CBFA2T2: variants seen among roughly 807,000 people sequenced by gnomAD.
The protein encoded by CBFA2T2 is CBFA2/RUNX1 partner transcriptional co-repressor 2.
In CBFA2T2, 11 loss-of-function variants were observed where a neutral mutation model predicts 62.2. The observed-to-expected ratio is 0.18, with a 90% confidence interval of 0.11 to 0.29. CBFA2T2 has a LOEUF of 0.29. Among genes scored for constraint, CBFA2T2 ranks in the 10% least tolerant of loss-of-function variants. The probability of loss-of-function intolerance (pLI) is 1.00; values close to 1 mark genes in which losing one functional copy is unlikely to be tolerated. For missense variants in CBFA2T2, 592 were observed against 774.1 expected (o/e 0.76, Z 2.79); for synonymous variants, 295 against 287.5 (o/e 1.03, Z -0.27).
chr20:33,560,735 G>C (rs557222540), intron 1 of CBFA2T2, among the ~76,000 whole-genome samples: 6 of 152,034 alleles, frequency 3.9e-5, no homozygotes, highest in Non-Finnish European at 8.8e-5. Flanking sequence ...AACCACACCT[G>C]TTTGACTATA....
intron 1 of CBFA2T2, among the ~76,000 whole-genome samples, chr20:33,503,294 G>A (rs1252405201): frequency 8.5e-6 from 1 of 118,334 alleles, no homozygotes; most frequent in Non-Finnish European, 1.6e-5. Flanking sequence ...TCGCCCAGTC[G>A]CCCAGGCTGG....
At chr20:33,500,469 G>A (rs922944816) in intron 1 of CBFA2T2, among the ~76,000 whole-genome samples, 35 of 152,114 alleles carry the variant, frequency 2.3e-4, no homozygotes, top group Admixed American at 2.1e-3. Context: ...AGCACTTTGG[G>A]GAGGCTGAGG....
chr20:33,611,493 T>C (rs2015527129), intron 3 of CBFA2T2, among the ~76,000 whole-genome samples, 158 bp downstream of exon 3: 1 of 152,206 alleles, frequency 6.6e-6, no homozygotes. Context: ...TAAAACTGTT[T>C]AAATGTAGGT....
rs1601119600 is a variant in CBFA2T2 at position 33,640,338 on chromosome 20, T to C, written c.1298-3T>C. Reference sequence around the variant, plus strand: ...AGTTGATTTTACTGTCACTTTCTTCTAGAAGAAGCTGTGAATAAGGTGAAA... The same window carrying C: ...AGTTGATTTTACTGTCACTTTCTTCCAGAAGAAGCTGTGAATAAGGTGAAA... On this transcript the variant is annotated splice_region_variant and splice_polypyrimidine_tract_variant and intron_variant, in intron 9 of 10. Transcript: ENST00000342704. The C allele has an allele frequency of 6.2e-7, 1 of 1,610,382 alleles. No individual in the cohort carries two copies.
intron 1 of CBFA2T2, among the ~76,000 whole-genome samples, chr20:33,534,345 A>C (rs2012143503): frequency 6.6e-6 from 1 of 152,186 alleles, no homozygotes; most frequent in South Asian, 2.1e-4. Context: ...TGTTTGAGAC[A>C]GTCTCACTCT....
In CBFA2T2 at chr20:33,647,136, C is replaced by CT. The variant is rs1238044389; in HGVS notation, c.*2491dup. 6.6e-6 allele frequency: 1 copy of CT among 152,238 alleles called. No individual in the cohort carries two copies. Among genetic ancestry groups the CT allele is most frequent in the Non-Finnish European group, 1.5e-5 (1 of 68,104 alleles). The allele number at this position is 152,238 out of a possible 1,614,324, so 9.4% of individuals were successfully genotyped here. On this transcript the variant is annotated 3_prime_UTR_variant, in exon 11 of 11. Coordinates refer to ENST00000342704, the MANE Select transcript of CBFA2T2 (RefSeq NM_001032999.3). ...AAGCCACAGTCCTTGGTGGGGAACT[C>CT]TAAGGGGGACGGAGTCAGTACCCCG...
rs1183371343 is a variant in CBFA2T2 at position 33,600,182 on chromosome 20, G to GTTTTTTTTTT, written c.35-6754_35-6745dup. Among the ~76,000 whole-genome samples, 14 of 62,064 alleles carry GTTTTTTTTTT rather than the reference G, an allele frequency of 2.3e-4. 2 individuals carry two copies. Among genetic ancestry groups the GTTTTTTTTTT allele is most frequent in the African/African-American group, 3.9e-4 (6 of 15,376 alleles). 40.7% of individuals were successfully genotyped at this position (62,064 alleles called of 152,430 possible). On this transcript the variant is annotated intron_variant, in intron 1 of 10. Coordinates refer to ENST00000342704, the MANE Select transcript of CBFA2T2 (RefSeq NM_001032999.3). The stretch of plus-strand genomic sequence containing the variant: ...AAGTTAGAATTATCACTTTTGGAAA[G>GTTTTTTTTTT]TTTTTTTTTTTTTTTTTTTTTTTTT...
chr20:33,639,043 A>G (rs533308060), intron 9 of CBFA2T2: 25 of 152,302 alleles, frequency 1.6e-4, no homozygotes, highest in African/African-American at 6.0e-4. Flanking sequence ...CCTCCACACT[A>G]GCTTTGTGTG....
chr20:33,637,185 A>G (rs971191853), intron 9 of CBFA2T2, among the ~76,000 whole-genome samples: 6 of 152,152 alleles, frequency 3.9e-5, no homozygotes, highest in African/African-American at 1.2e-4. Flanking sequence ...CTCTTTTACA[A>G]GAATAAAGGA....
intron 1 of CBFA2T2, among the ~76,000 whole-genome samples, chr20:33,604,855 T>A (rs1471204991): frequency 1.3e-5 from 2 of 152,188 alleles, no homozygotes; most frequent in East Asian, 3.8e-4. Context: ...GGGCCCCAGA[T>A]GGAAGAGCTG....
intron 1 of CBFA2T2, among the ~76,000 whole-genome samples, chr20:33,526,129 C>G (rs933673318): frequency 1.3e-5 from 2 of 152,104 alleles, no homozygotes; most frequent in Non-Finnish European, 2.9e-5. Context: ...TTAATGAATC[C>G]TCCCGCCTTG....
At chr20:33,636,791 A>C in intron 9 of CBFA2T2, 83 bp downstream of exon 9, 1 of 1,022,496 alleles carries the variant, frequency 9.8e-7, no homozygotes, top group Non-Finnish European at 1.5e-6. Context: ...ATGGTTGGTA[A>C]CTGGGTCCTT....
chr20:33,565,099 T>C (rs1416466817), intron 1 of CBFA2T2, among the ~76,000 whole-genome samples: 1 of 152,062 alleles, frequency 6.6e-6, no homozygotes, highest in African/African-American at 2.4e-5. Context: ...TTTTGTATTT[T>C]TAGTAGAGAC....
chr20:33,549,086 C>G (rs1266773826), intron 1 of CBFA2T2, among the ~76,000 whole-genome samples: 2 of 152,132 alleles, frequency 1.3e-5, no homozygotes, highest in Admixed American at 6.6e-5. Context: ...GGTGCATATT[C>G]TTATAATCTG....
At chr20:33,564,305 G>A (rs926548998) in intron 1 of CBFA2T2, among the ~76,000 whole-genome samples, 13 of 146,462 alleles carry the variant, frequency 8.9e-5, no homozygotes, top group Non-Finnish European at 1.8e-4. Flanking sequence ...ACTCTGTCGC[G>A]CAGGTGGAGT....
At chr20:33,594,207 T>A (rs2014788576) in intron 1 of CBFA2T2, among the ~76,000 whole-genome samples, 1 of 152,092 alleles carries the variant, frequency 6.6e-6, no homozygotes, top group Non-Finnish European at 1.5e-5. Context: ...CTGTCAGAAT[T>A]TACTGCTATA....
rs965299606 is a variant in CBFA2T2, at chr20:33,648,199, G to T, written c.*3553G>T. 6.6e-6 allele frequency: 1 copy of T among 152,228 alleles called. No individual in the cohort carries two copies. The highest frequency in any genetic ancestry group is 1.5e-5 in the Non-Finnish European group (1 of 68,072). 9.4% of individuals were successfully genotyped at this position (152,228 alleles called of 1,614,324 possible). On this transcript the variant is annotated 3_prime_UTR_variant, in exon 11 of 11. Coordinates refer to ENST00000342704, the MANE Select transcript of CBFA2T2 (RefSeq NM_001032999.3). ...AGGAGCTGGCATGGTGGTACAGAAG[G>T]TATCAGTCAAGCGCAGGCTCTTCAG...
chr20:33,507,429 A>G (rs556931801), intron 1 of CBFA2T2, among the ~76,000 whole-genome samples: 8 of 152,176 alleles, frequency 5.3e-5, no homozygotes, highest in Non-Finnish European at 1.0e-4. Context: ...AGAGAAAATG[A>G]TATCTGTTTT....
chr20:33,615,579 A>T (rs970744708), intron 3 of CBFA2T2, among the ~76,000 whole-genome samples: 1 of 152,118 alleles, frequency 6.6e-6, no homozygotes, highest in Non-Finnish European at 1.5e-5. Flanking sequence ...ACTTCTCCCT[A>T]TTCCCCCCAA....
Sources: allele counts gnomAD v4.1 joint callset (sites outside exome capture counted in the v4.1 genomes callset), GRCh38; gene constraint gnomAD v4.1.1; transcripts MANE v1.5; gene names NCBI Gene and HGNC (gene_info 2026-07-23, HGNC 2026-07-21).